The following PRKG1 variants were observed in gnomAD, a reference collection of about 807,000 sequenced individuals.
PRKG1 encodes cGMP-dependent protein kinase 1.
Under a neutral mutation model 88.1 loss-of-function variants are expected in PRKG1, and 35 were observed. The ratio of observed to expected loss-of-function variants is 0.40; its 90% CI spans 0.30 to 0.53. The LOEUF is 0.53. Among genes scored for constraint, PRKG1 ranks in the 20% least tolerant of loss-of-function variants. The pLI, the probability that PRKG1 is intolerant of heterozygous loss-of-function variation, is 0.59. For synonymous variants in PRKG1, 303 were observed against 292.5 expected, an observed-to-expected ratio of 1.04 and a Z score of -0.37; for missense variants, 540 against 839.8, an observed-to-expected ratio of 0.64 and a Z score of 4.41.
intron 3 of PRKG1, among the ~76,000 whole-genome samples, chr10:51,493,514 T>C (rs961527861): frequency 6.6e-6 from 1 of 152,228 alleles, no homozygotes; most frequent in African/African-American, 2.4e-5. Flanking sequence ...CTGATTTTTT[T>C]AGATGTTGAC....
intron 3 of PRKG1, among the ~76,000 whole-genome samples, chr10:51,648,448 A>G (rs969723022): frequency 6.6e-5 from 10 of 152,178 alleles, no homozygotes; most frequent in Non-Finnish European, 8.8e-5. Flanking sequence ...ATTTGCCTAA[A>G]GAGTGCATAG....
At chr10:51,968,300 T>G (rs1358118846) in intron 5 of PRKG1, among the ~76,000 whole-genome samples, 1 of 152,028 alleles carries the variant, frequency 6.6e-6, no homozygotes, top group Non-Finnish European at 1.5e-5. Context: ...GCAAGCCAGA[T>G]AAACTCTAGG....
chr10:50,991,765 G>C lies in PRKG1; in HGVS notation c.266+121G>C, dbSNP rs1842785513. On this transcript the variant is annotated intron_variant, in intron 1 of 17. Transcript: ENST00000401604. This position sits in a 1 kb window ranked among gnomAD's most constrained non-coding sequence, Gnocchi z 4.5. ...GCGCCCCCTGCTCGCTGCGGCGCGC[G>C]GAGTGGGGGTGGCCCCGCGGCCCGG... The C allele has an allele frequency of 1.8e-5, 13 of 738,764 alleles. No homozygotes were observed. Among genetic ancestry groups the C allele is most frequent in the Non-Finnish European group, 2.2e-5 (13 of 596,316 alleles). 45.8% of individuals were successfully genotyped at this position (738,764 alleles called of 1,614,324 possible). A position where few individuals can be genotyped will look rare whatever the true frequency, so the allele number is the denominator to read the frequency against.
intron 3 of PRKG1, among the ~76,000 whole-genome samples, chr10:51,584,786 C>CA (rs1838130307): frequency 6.6e-6 from 1 of 152,070 alleles, no homozygotes; most frequent in Non-Finnish European, 1.5e-5. Context: ...AAAGAACTTA[C>CA]ACCAGATAGT....
chr10:52,048,429 C>T (rs188321051), intron 5 of PRKG1, among the ~76,000 whole-genome samples: 14 of 152,150 alleles, frequency 9.2e-5, no homozygotes, highest in African/African-American at 3.4e-4. Flanking sequence ...AATGAAATTG[C>T]TAGTTAAAAT....
At chr10:52,067,323 T>G (rs1846378576) in intron 7 of PRKG1, among the ~76,000 whole-genome samples, 1 of 152,238 alleles carries the variant, frequency 6.6e-6, no homozygotes, top group East Asian at 1.9e-4. Context: ...TTTATTCTCT[T>G]GAAGTTGTTC....
At chr10:51,450,789 A>G (rs529674842) in intron 2 of PRKG1, among the ~76,000 whole-genome samples, 2 of 151,962 alleles carry the variant, frequency 1.3e-5, no homozygotes, top group East Asian at 3.9e-4. Context: ...GCAGTGGTGT[A>G]GAGAAGGAAG....
chr10:52,092,630 G>T (rs1847082802), intron 7 of PRKG1, among the ~76,000 whole-genome samples: 1 of 151,886 alleles, frequency 6.6e-6, no homozygotes, highest in African/African-American at 2.4e-5. Context: ...TCCTCTCAAG[G>T]GCAATAAAGG....
chr10:51,750,406 C>A (rs987249082), intron 3 of PRKG1, among the ~76,000 whole-genome samples: 2 of 152,072 alleles, frequency 1.3e-5, no homozygotes, highest in Non-Finnish European at 2.9e-5. Flanking sequence ...ATGTTTATAA[C>A]AATTTTGCCT....
At chr10:51,804,555 C>G in intron 3 of PRKG1, 30 bp from the exon 4 acceptor site, 1 of 1,446,830 alleles carries the variant, frequency 6.9e-7, no homozygotes, top group Non-Finnish European at 9.7e-7. Flanking sequence ...TTAATTTTTC[C>G]CTGTTTGTTT....
At chr10:51,780,382 T>A (rs1838555630) in intron 3 of PRKG1, among the ~76,000 whole-genome samples, 1 of 152,020 alleles carries the variant, frequency 6.6e-6, no homozygotes, top group African/African-American at 2.4e-5. Flanking sequence ...TGCTGAACAA[T>A]AAATAAATAA....
At chr10:51,706,771 T>C (rs116623171) in intron 3 of PRKG1, among the ~76,000 whole-genome samples, 2,678 of 152,312 alleles carry the variant, frequency 0.018, 63 homozygotes, top group African/African-American at 0.058. Context: ...TTGTACAAAT[T>C]ACTTCGCCTC....
intron 3 of PRKG1, among the ~76,000 whole-genome samples, chr10:51,770,354 G>T (rs12250879): frequency 0.11 from 17,024 of 152,202 alleles, 1,114 homozygotes; most frequent in African/African-American, 0.17. Flanking sequence ...AAAGGACATG[G>T]CATCAGCAAT....
intron 3 of PRKG1, among the ~76,000 whole-genome samples, chr10:51,570,590 A>G (rs1837726865): frequency 6.6e-6 from 1 of 151,914 alleles, no homozygotes; most frequent in African/African-American, 2.4e-5. Flanking sequence ...TTAACTTTAT[A>G]CATATGGGTG....
At chr10:52,024,148 A>G (rs899464045) in intron 5 of PRKG1, among the ~76,000 whole-genome samples, 1 of 152,182 alleles carries the variant, frequency 6.6e-6, no homozygotes, top group Non-Finnish European at 1.5e-5. Flanking sequence ...GATACAAACA[A>G]ATGGAAAAAC....
intron 4 of PRKG1, among the ~76,000 whole-genome samples, chr10:51,835,187 G>C (rs904789103): frequency 6.6e-5 from 10 of 152,188 alleles, no homozygotes; most frequent in Admixed American, 2.0e-4. Context: ...GGGGACAATA[G>C]CTTCCGAAGT....
intron 3 of PRKG1, among the ~76,000 whole-genome samples, chr10:51,706,242 T>G (rs536338658): frequency 1.9e-4 from 29 of 152,362 alleles, no homozygotes; most frequent in Admixed American, 1.8e-3. Flanking sequence ...CTTAGTGTAT[T>G]TAATATGAAA....
At chr10:51,599,560 T>G (rs938598591) in intron 3 of PRKG1, among the ~76,000 whole-genome samples, 30 of 152,224 alleles carry the variant, frequency 2.0e-4, no homozygotes, top group African/African-American at 7.0e-4. Context: ...ATTACAACAC[T>G]GTATCTTTCT....
In PRKG1 at chr10:52,069,490, A is replaced by G. The variant is rs143615287; in HGVS notation, c.935+6859A>G. On this transcript the variant is annotated intron_variant, in intron 7 of 17. Coordinates refer to ENST00000373980, the MANE Select transcript of PRKG1 (RefSeq NM_006258.4). ...AGGTTGCAGTGAATGAGATCACACC[A>G]CTCTCCTCCAGCCTGTGAGCCTGAG... Among the ~76,000 whole-genome samples the G allele has an allele frequency of 1.2e-3, 187 of 152,140 alleles. 1 individual carries two copies. The highest frequency in any genetic ancestry group is 5.3e-4 in the Non-Finnish European group (36 of 67,996).
Sources: allele counts gnomAD v4.1 joint callset (sites outside exome capture counted in the v4.1 genomes callset), GRCh38; gene constraint gnomAD v4.1.1; non-coding constraint Gnocchi (gnomAD v3.1); transcripts MANE v1.5; gene names NCBI Gene and HGNC (gene_info 2026-07-23, HGNC 2026-07-21).